The following ARHGAP22 variants were observed in gnomAD, a reference collection of about 807,000 sequenced individuals.
ARHGAP22 encodes the protein Rho GTPase activating protein 22.
A neutral mutation model predicts 59.1 loss-of-function variants in ARHGAP22; 48 were observed. That is an observed-to-expected ratio of 0.81 (90% CI 0.64 to 1.03). The LOEUF is 1.03. ARHGAP22 is among the 50% of genes least tolerant of loss of function. ARHGAP22 has a pLI of 0.00. For synonymous variants in ARHGAP22, 445 were observed against 416.4 expected, an observed-to-expected ratio of 1.07 and a Z score of -0.84; for missense variants, 1,015 against 958.7, an observed-to-expected ratio of 1.06 and a Z score of -0.78.
intron 6 of ARHGAP22, among the ~76,000 whole-genome samples, chr10:48,454,651 G>A (rs2133678548): frequency 6.6e-6 from 1 of 152,314 alleles, no homozygotes; most frequent in African/African-American, 2.4e-5. Flanking sequence ...TGGTTTCTGA[G>A]CCTGTGACGG....
intron 1 of ARHGAP22, among the ~76,000 whole-genome samples, chr10:48,588,551 CAG>C: frequency 6.6e-6 from 1 of 152,300 alleles, no homozygotes; most frequent in African/African-American, 2.4e-5. Context: ...CAGAACAGAT[CAG>C]AGTTTCTGGA....
At position 48,555,578 on chromosome 10, in the gene ARHGAP22, G is replaced by C. The variant is rs965186904; in HGVS notation, c.235-28C>G. 10 of 1,605,174 alleles carry C rather than the reference G, an allele frequency of 6.2e-6. 1 individual carries two copies. The highest frequency in any genetic ancestry group is 4.4e-5 in the South Asian group (4 of 90,880). The stretch of plus-strand genomic sequence containing the variant: ...AAAAAGGAGGCAAACACAAACACAG[G>C]GAGCATGAGATGATGGGGAGGGGAC... On this transcript the variant is annotated intron_variant, in intron 2 of 9. Coordinates refer to ENST00000249601, the MANE Select transcript of ARHGAP22 (RefSeq NM_021226.4).
At chr10:48,574,992 T>C (rs926243706) in intron 2 of ARHGAP22, 1 of 152,190 alleles carries the variant, frequency 6.6e-6, no homozygotes, top group Non-Finnish European at 1.5e-5. Flanking sequence ...ATTTGGATCA[T>C]GGGGGCGGTT....
intron 2 of ARHGAP22, among the ~76,000 whole-genome samples, chr10:48,558,019 G>A (rs567083191): frequency 6.6e-6 from 1 of 152,224 alleles, no homozygotes; most frequent in Non-Finnish European, 1.5e-5. Flanking sequence ...AAAACACAGA[G>A]AGTCTGGTGT....
At chr10:48,652,253 C>A in exon 1 of ARHGAP22, 16 of 1,535,644 alleles carry the variant, frequency 1.0e-5, no homozygotes, top group Non-Finnish European at 1.4e-5. Context: ...TGGCTGCAAA[C>A]GTCCTCCTTT....
intron 3 of ARHGAP22, among the ~76,000 whole-genome samples, chr10:48,533,538 T>C (rs1436720212): frequency 6.6e-6 from 1 of 152,210 alleles, no homozygotes; most frequent in Non-Finnish European, 1.5e-5. Flanking sequence ...GTCTTCTCAA[T>C]AGAGGCCATT....
chr10:48,623,607 A>G (rs2061352895), intron 1 of ARHGAP22, among the ~76,000 whole-genome samples: 1 of 152,184 alleles, frequency 6.6e-6, no homozygotes, highest in African/African-American at 2.4e-5. Context: ...AGGCACCCAG[A>G]TTGTCCAGGT....
At chr10:48,557,993 C>T (rs1005079636) in intron 2 of ARHGAP22, among the ~76,000 whole-genome samples, 3 of 152,204 alleles carry the variant, frequency 2.0e-5, no homozygotes, top group Non-Finnish European at 4.4e-5. Context: ...GCCTTGGAGT[C>T]ACCCCAGGGC....
intron 4 of ARHGAP22, among the ~76,000 whole-genome samples, chr10:48,478,490 C>T (rs1353190059): frequency 6.6e-6 from 1 of 152,118 alleles, no homozygotes; most frequent in East Asian, 1.9e-4. Context: ...GGAGACTGGC[C>T]CAGAGCCCCA....
chr10:48,438,426 GAAAACAGAAGTCCT>G, the ARHGAP22 span: 2 of 152,218 alleles, frequency 1.3e-5, no homozygotes, highest in South Asian at 4.1e-4. Context: ...AACTCGTAAG[GAAAACAGAAGTCCT>G]AATTTCAAAC....
chr10:48,539,024 A>G (rs1021977972), intron 3 of ARHGAP22, among the ~76,000 whole-genome samples: 3 of 152,250 alleles, frequency 2.0e-5, no homozygotes, highest in Non-Finnish European at 2.9e-5. Context: ...CTTGAAGATG[A>G]AAAACTCAAA....
Position 48,493,982 on chromosome 10 carries a change from T to C in ARHGAP22, c.323-14218A>G, listed in dbSNP as rs966893459. The stretch of plus-strand genomic sequence containing the variant: ...GCCTGATGTAAGTGCTTATGCCACA[T>C]GGTCTTGAGATAGTTACTTAATCTT... On this transcript the variant is annotated intron_variant, in intron 3 of 9. Coordinates refer to ENST00000249601, the MANE Select transcript of ARHGAP22 (RefSeq NM_021226.4). 5.3e-5 allele frequency among the ~76,000 whole-genome samples: 8 copies of C among 152,366 alleles called. No individual in the cohort carries two copies. The East Asian group carries it at 1.5e-3, about 29-fold the overall frequency.
intron 2 of ARHGAP22, among the ~76,000 whole-genome samples, chr10:48,571,139 G>A (rs2058369486): frequency 6.6e-6 from 1 of 152,198 alleles, no homozygotes. Context: ...TTGCTACCCA[G>A]TGGTCAGCTC....
intron 3 of ARHGAP22, among the ~76,000 whole-genome samples, chr10:48,535,140 G>A (rs186885510): frequency 1.3e-5 from 2 of 152,280 alleles, no homozygotes; most frequent in African/African-American, 4.8e-5. Flanking sequence ...CTGGGTTTGT[G>A]TTTTCACTGA....
At chr10:48,504,959 T>G (rs539741914) in intron 3 of ARHGAP22, among the ~76,000 whole-genome samples, 2 of 152,258 alleles carry the variant, frequency 1.3e-5, no homozygotes, top group East Asian at 3.9e-4. Context: ...GAGTGGAGCC[T>G]AGGCAGGCAG....
intron 3 of ARHGAP22, among the ~76,000 whole-genome samples, chr10:48,530,236 CAA>C (rs60902650): frequency 0.016 from 786 of 48,974 alleles, 3 homozygotes; most frequent in African/African-American, 0.038. Flanking sequence ...GACTCCATTG[CAA>C]AAAAAAAAAA....
chr10:48,610,887 G>C (rs559446939), intron 1 of ARHGAP22, among the ~76,000 whole-genome samples: 8 of 152,244 alleles, frequency 5.3e-5, no homozygotes, highest in African/African-American at 9.6e-5. Flanking sequence ...GCTAGCAGCT[G>C]TCAGCTGACT....
At chr10:48,553,333 C>T (rs566282234) in intron 3 of ARHGAP22, among the ~76,000 whole-genome samples, 6 of 152,368 alleles carry the variant, frequency 3.9e-5, no homozygotes, top group Admixed American at 2.0e-4. Flanking sequence ...GAACCTGATG[C>T]GCAGGCAGGC....
intron 1 of ARHGAP22, among the ~76,000 whole-genome samples, chr10:48,591,572 C>CT (rs959119948): frequency 3.9e-4 from 59 of 151,530 alleles, no homozygotes; most frequent in Admixed American, 1.8e-3. Context: ...TAGATAGGTA[C>CT]TTTTTTTTTA....
Sources: allele counts gnomAD v4.1 joint callset (sites outside exome capture counted in the v4.1 genomes callset), GRCh38; gene constraint gnomAD v4.1.1; transcripts MANE v1.5; gene names NCBI Gene and HGNC (gene_info 2026-07-23, HGNC 2026-07-21).